SMYD3: variants seen among roughly 807,000 people sequenced by gnomAD.
SMYD3 encodes the protein SET and MYND domain containing 3, also known as histone-lysine N-methyltransferase SMYD3.
Under a neutral mutation model 57.7 loss-of-function variants are expected in SMYD3, and 36 were observed. That is an observed-to-expected ratio of 0.62 (90% CI 0.48 to 0.82). The LOEUF (loss-of-function observed/expected upper bound fraction) is 0.82. SMYD3 is among the 40% of genes least tolerant of loss of function. The pLI, the probability that SMYD3 is intolerant of heterozygous loss-of-function variation, is 0.00. For synonymous variants in SMYD3, 211 were observed against 195.0 expected (o/e 1.08, Z -0.68); for missense variants, 515 against 538.8 (o/e 0.96, Z 0.44).
chr1:246,406,590 C>A (rs1046390010), intron 1 of SMYD3, among the ~76,000 whole-genome samples: 2 of 152,152 alleles, frequency 1.3e-5, no homozygotes, highest in Non-Finnish European at 2.9e-5. Flanking sequence ...CATAGTGCTA[C>A]GTGTTAGGCA....
At chr1:245,775,737 A>AT (rs1314800556) in intron 10 of SMYD3, among the ~76,000 whole-genome samples, 1 of 151,944 alleles carries the variant, frequency 6.6e-6, no homozygotes, top group East Asian at 1.9e-4. Context: ...AAAATAAAAA[A>AT]AATAAATGGA....
chr1:246,298,210 CA>C (rs893310015), intron 5 of SMYD3, among the ~76,000 whole-genome samples: 4 of 148,900 alleles, frequency 2.7e-5, no homozygotes, highest in African/African-American at 1.0e-4. Flanking sequence ...TCATAAAGAG[CA>C]AGAGCACACT....
At chr1:245,929,974 T>C (rs1030438920) in intron 5 of SMYD3, 37 bp from the exon 6 acceptor site, 7 of 1,569,084 alleles carry the variant, frequency 4.5e-6, no homozygotes, top group Non-Finnish European at 6.1e-6. Flanking sequence ...ATTACTAGAG[T>C]CACTTAAGAA....
chr1:245,954,303 T>A (rs1234957579), intron 5 of SMYD3, among the ~76,000 whole-genome samples: 1 of 152,052 alleles, frequency 6.6e-6, no homozygotes, highest in African/African-American at 2.4e-5. Context: ...ATTATACCAA[T>A]AAAATTGCAG....
At chr1:245,818,574 G>T (rs1324646412) in intron 10 of SMYD3, among the ~76,000 whole-genome samples, 1 of 151,898 alleles carries the variant, frequency 6.6e-6, no homozygotes, top group African/African-American at 2.4e-5. Flanking sequence ...TGGACTAAAT[G>T]CTCCAATTAA....
At chr1:245,887,884 G>A (rs1461091711) in intron 8 of SMYD3, among the ~76,000 whole-genome samples, 2 of 152,174 alleles carry the variant, frequency 1.3e-5, no homozygotes, top group African/African-American at 4.8e-5. Context: ...GAGAGAAACA[G>A]GGAGGGAGGG....
intron 5 of SMYD3, among the ~76,000 whole-genome samples, chr1:246,006,861 G>C (rs2148176723): frequency 6.6e-6 from 1 of 152,288 alleles, no homozygotes; most frequent in East Asian, 1.9e-4. Flanking sequence ...CAAGATCAAG[G>C]AGCCTGGAGC....
intron 5 of SMYD3, among the ~76,000 whole-genome samples, chr1:246,304,314 G>C (rs777246449): frequency 2.6e-5 from 4 of 152,098 alleles, no homozygotes; most frequent in East Asian, 1.9e-4. Context: ...TAATGAACTT[G>C]AAGTCATTCC....
At chr1:246,167,497 T>A (rs1205585425) in intron 5 of SMYD3, among the ~76,000 whole-genome samples, 1 of 151,726 alleles carries the variant, frequency 6.6e-6, no homozygotes, top group Non-Finnish European at 1.5e-5. Flanking sequence ...TGGCACCTCA[T>A]TACGGTTTTT....
chr1:246,427,974 G>A (rs868460539), intron 1 of SMYD3, among the ~76,000 whole-genome samples: 4 of 152,244 alleles, frequency 2.6e-5, no homozygotes, highest in Middle Eastern at 6.8e-3. Context: ...CATGAAAATG[G>A]GGGATATCTA....
intron 1 of SMYD3, among the ~76,000 whole-genome samples, chr1:246,393,430 T>A (rs2066604241): frequency 6.6e-6 from 1 of 152,138 alleles, no homozygotes; most frequent in African/African-American, 2.4e-5. Flanking sequence ...AAAAAGGACT[T>A]CATCTATTTC....
intron 10 of SMYD3, among the ~76,000 whole-genome samples, chr1:245,782,311 G>A (rs922706405): frequency 1.3e-5 from 2 of 152,084 alleles, no homozygotes; most frequent in South Asian, 4.1e-4. Flanking sequence ...GACAGTTTTT[G>A]GTAAAGCACA....
chr1:245,997,338 C>T (rs772194058), intron 5 of SMYD3, among the ~76,000 whole-genome samples: 8 of 152,220 alleles, frequency 5.3e-5, no homozygotes, highest in Non-Finnish European at 1.0e-4. Flanking sequence ...ATCAGAAGTA[C>T]GAGCATCTTT....
chr1:246,431,284 T>C (rs2067293798), intron 1 of SMYD3, among the ~76,000 whole-genome samples: 1 of 152,258 alleles, frequency 6.6e-6, no homozygotes, highest in African/African-American at 2.4e-5. Context: ...ACTAATTTGT[T>C]ACCTCACACA....
At position 246,264,489 on chromosome 1, in the gene SMYD3, A is replaced by T. The variant is rs2064067699; in HGVS notation, c.531+62712T>A. 2.0e-5 allele frequency among the ~76,000 whole-genome samples: 3 copies of T among 152,328 alleles called. No individual in the cohort carries two copies. In the South Asian group the frequency reaches 6.2e-4, roughly 32 times the overall value. On this transcript the variant is annotated intron_variant, in intron 5 of 11. Transcript: ENST00000490107. Reference sequence around the variant, plus strand: ...AGATGGTGAGACCCTGCATCTTAGAACTGATGAAAGACGGTAACTTTTCTA... The same window carrying T: ...AGATGGTGAGACCCTGCATCTTAGATCTGATGAAAGACGGTAACTTTTCTA...
chr1:246,283,259 T>C (rs1558375569), intron 5 of SMYD3, among the ~76,000 whole-genome samples: 1 of 152,196 alleles, frequency 6.6e-6, no homozygotes, highest in Non-Finnish European at 1.5e-5. Flanking sequence ...GATAATAACA[T>C]TGCCAAGAGT....
chr1:245,837,449 T>C (rs374102893), intron 10 of SMYD3, among the ~76,000 whole-genome samples: 2 of 151,868 alleles, frequency 1.3e-5, no homozygotes, highest in South Asian at 4.2e-4. Flanking sequence ...GGAAGAGGCA[T>C]TCTATGGCCT....
intron 5 of SMYD3, among the ~76,000 whole-genome samples, chr1:246,072,980 T>G (rs2147797637): frequency 6.6e-6 from 1 of 152,220 alleles, no homozygotes; most frequent in East Asian, 1.9e-4. Context: ...CTTGAGACCT[T>G]GGCTCTTTGA....
intron 5 of SMYD3, among the ~76,000 whole-genome samples, chr1:246,072,850 G>C (rs1335281396): frequency 1.3e-5 from 2 of 152,146 alleles, no homozygotes; most frequent in Non-Finnish European, 2.9e-5. Context: ...CCAAGTACAC[G>C]CATTATCACA....
Sources: gnomAD v4.1 joint callset for allele counts (sites outside exome capture counted in the v4.1 genomes callset) on GRCh38, gnomAD v4.1.1 for gene constraint, MANE v1.5 for transcripts, NCBI Gene and HGNC (gene_info 2026-07-23, HGNC 2026-07-21) for gene names.